SERPINI1: variants seen among roughly 807,000 people sequenced by gnomAD.
SERPINI1 encodes the protein serpin family I member 1, also known as neuroserpin.
In SERPINI1, 19 loss-of-function variants were observed where a neutral mutation model predicts 41.1. The ratio of observed to expected loss-of-function variants is 0.46; its 90% CI spans 0.32 to 0.68. SERPINI1 has a LOEUF of 0.68. SERPINI1 is among the 30% of genes least tolerant of loss of function. The pLI is 0.03. For missense variants in SERPINI1, 460 were observed against 479.2 expected (o/e 0.96, Z 0.37); for synonymous variants, 138 against 156.6 (o/e 0.88, Z 0.89).
At chr3:167,801,867 G>A (rs1255126941) in intron 5 of SERPINI1, among the ~76,000 whole-genome samples, 3 of 152,090 alleles carry the variant, frequency 2.0e-5, no homozygotes, top group East Asian at 3.9e-4. Context: ...CTTTGAACAA[G>A]GTCTTACAAA....
chr3:167,802,637 G>C (rs1272134022), intron 5 of SERPINI1, among the ~76,000 whole-genome samples: 1 of 147,912 alleles, frequency 6.8e-6, no homozygotes, highest in Non-Finnish European at 1.5e-5. Context: ...ACAGGTGCTG[G>C]AGAGGATGTG....
intron 1 of SERPINI1, among the ~76,000 whole-genome samples, chr3:167,783,362 A>G (rs1727204423): frequency 1.3e-5 from 2 of 152,288 alleles, no homozygotes; most frequent in African/African-American, 4.8e-5. Flanking sequence ...GGTTTGATTG[A>G]TAAGATAAGG....
intron 3 of SERPINI1, among the ~76,000 whole-genome samples, 187 bp from the exon 4 acceptor site, chr3:167,792,403 A>AGTGTGT (rs113251395): frequency 0.014 from 2,104 of 151,246 alleles, 27 homozygotes; most frequent in African/African-American, 0.038. Context: ...ATATATATGT[A>AGTGTGT]GTGTGTGTGT....
rs76700250 is a variant in SERPINI1, at chr3:167,777,933, A to T, written c.-18-11178A>T. On this transcript the variant is annotated intron_variant, in intron 1 of 8. Transcript: ENST00000446050. ...ATGGGAGTGGGCTGGTTATGGTAGG[A>T]GTTTGGCCTCCTTTTCCTCTCCATA... Among the ~76,000 whole-genome samples, 18 of 152,102 alleles carry T rather than the reference A, an allele frequency of 1.2e-4. No homozygotes were observed. The East Asian group carries it at 2.9e-3, about 25-fold the overall frequency.
intron 1 of SERPINI1, among the ~76,000 whole-genome samples, chr3:167,772,823 A>ACTCTCTCTCTCTCTCT (rs1172788769): frequency 8.9e-4 from 21 of 23,624 alleles, no homozygotes; most frequent in Non-Finnish European, 1.1e-3. Context: ...GTATCTTGAG[A>ACTCTCTCTCTCTCTCT]CTCTCTCTCT....
At chr3:167,810,446 G>A (rs529005158) in intron 6 of SERPINI1, among the ~76,000 whole-genome samples, 1 of 152,146 alleles carries the variant, frequency 6.6e-6, no homozygotes, top group Non-Finnish European at 1.5e-5. Flanking sequence ...TGAATTTTTT[G>A]TTTCCCAGTG....
chr3:167,744,944 A>G (rs980750943), intron 1 of SERPINI1, among the ~76,000 whole-genome samples: 1 of 146,752 alleles, frequency 6.8e-6, no homozygotes, highest in Non-Finnish European at 1.5e-5. Flanking sequence ...AAGTTAAGAT[A>G]CTTTCTCAGA....
At chr3:167,769,413 C>T (rs1224979556) in intron 1 of SERPINI1, among the ~76,000 whole-genome samples, 2 of 152,138 alleles carry the variant, frequency 1.3e-5, no homozygotes, top group Admixed American at 1.3e-4. Flanking sequence ...TCTGCCCCTC[C>T]GAGTTAACTA....
At chr3:167,753,054 G>A (rs1726093007) in intron 1 of SERPINI1, among the ~76,000 whole-genome samples, 1 of 152,124 alleles carries the variant, frequency 6.6e-6, no homozygotes, top group Non-Finnish European at 1.5e-5. Flanking sequence ...TGAAGGCAGA[G>A]CCCTTGTCTG....
chr3:167,753,085 A>G (rs531693071), intron 1 of SERPINI1, among the ~76,000 whole-genome samples: 1 of 152,198 alleles, frequency 6.6e-6, no homozygotes, highest in Admixed American at 6.5e-5. Context: ...CTCCATGTCC[A>G]GGGCCCAGTA....
intron 1 of SERPINI1, among the ~76,000 whole-genome samples, chr3:167,758,884 G>GT (rs1456522392): frequency 6.6e-6 from 1 of 152,056 alleles, no homozygotes; most frequent in African/African-American, 2.4e-5. Flanking sequence ...TTCTTTGTAA[G>GT]TCTAAATTTA....
chr3:167,807,548 A>G lies in SERPINI1; in HGVS notation c.979+207A>G, dbSNP rs527678789. ...AAGTTTATATTATCTAGTTCGTATC[A>G]TATCTTTGACAATAGATTATATTCT... On this transcript the variant is annotated intron_variant, in intron 6 of 8. Coordinates refer to ENST00000446050, the MANE Select transcript of SERPINI1 (RefSeq NM_001122752.2). Among the ~76,000 whole-genome samples the G allele has an allele frequency of 2.6e-5, 4 of 152,330 alleles. No individual in the cohort carries two copies. The South Asian group carries it at 8.3e-4, about 32-fold the overall frequency.
intron 1 of SERPINI1, among the ~76,000 whole-genome samples, chr3:167,756,215 T>C (rs905705841): frequency 1.3e-5 from 2 of 152,220 alleles, no homozygotes; most frequent in Admixed American, 6.5e-5. Flanking sequence ...AACACTTTAC[T>C]GAAGCTATGT....
intron 1 of SERPINI1, among the ~76,000 whole-genome samples, chr3:167,762,395 A>G (rs899321492): frequency 6.6e-6 from 1 of 151,434 alleles, no homozygotes; most frequent in Non-Finnish European, 1.5e-5. Flanking sequence ...AACGAAGAAA[A>G]CTCTTTCTTG....
At chr3:167,765,077 A>G (rs1250564750) in intron 1 of SERPINI1, among the ~76,000 whole-genome samples, 2 of 152,158 alleles carry the variant, frequency 1.3e-5, no homozygotes, top group Admixed American at 1.3e-4. Flanking sequence ...CCAGGCACAC[A>G]GTGCAAGCTA....
intron 1 of SERPINI1, among the ~76,000 whole-genome samples, chr3:167,779,425 G>T (rs1394801364): frequency 6.6e-6 from 1 of 152,066 alleles, no homozygotes; most frequent in Non-Finnish European, 1.5e-5. Context: ...ATGCAAACTG[G>T]CCAATATCCA....
At chr3:167,793,622 A>G (rs1474672031) in intron 4 of SERPINI1, among the ~76,000 whole-genome samples, 16 of 142,460 alleles carry the variant, frequency 1.1e-4, no homozygotes, top group Admixed American at 2.1e-4. Context: ...GCATAATGGT[A>G]CATACCTATA....
intron 1 of SERPINI1, among the ~76,000 whole-genome samples, chr3:167,761,308 C>T (rs1053425557): frequency 2.6e-5 from 4 of 152,138 alleles, no homozygotes; most frequent in African/African-American, 7.2e-5. Context: ...CTTTATGGGC[C>T]TCTATTTAAT....
At chr3:167,771,357 G>A (rs530178889) in intron 1 of SERPINI1, among the ~76,000 whole-genome samples, 1 of 152,246 alleles carries the variant, frequency 6.6e-6, no homozygotes, top group South Asian at 2.1e-4. Flanking sequence ...TTTATGTAAT[G>A]CTAGGAAATA....
Sources: allele counts gnomAD v4.1 joint callset (sites outside exome capture counted in the v4.1 genomes callset), GRCh38; gene constraint gnomAD v4.1.1; transcripts MANE v1.5; gene names NCBI Gene and HGNC (gene_info 2026-07-23, HGNC 2026-07-21).